The following MFSD6 variants were observed in gnomAD, a reference collection of about 807,000 sequenced individuals.
The protein encoded by MFSD6 is major facilitator superfamily domain containing 6.
MFSD6 carries 26 observed loss-of-function variants against 56.3 expected under a neutral mutation model. The ratio of observed to expected loss-of-function variants is 0.46; its 90% confidence interval spans 0.34 to 0.64. MFSD6 has a LOEUF of 0.64. Among genes scored for constraint, MFSD6 ranks in the 30% least tolerant of loss-of-function variants. The pLI is 0.01. For synonymous variants in MFSD6, 331 were observed against 366.9 expected, an observed-to-expected ratio of 0.90 and a Z score of 1.12; for missense variants, 750 against 986.2, an observed-to-expected ratio of 0.76 and a Z score of 3.21.
chr2:190,475,700 G>A (rs1284141127), intron 4 of MFSD6, among the ~76,000 whole-genome samples: 2 of 152,084 alleles, frequency 1.3e-5, no homozygotes, highest in Non-Finnish European at 2.9e-5. Flanking sequence ...TCACAGAATT[G>A]GAAAAAACTA....
rs953974566 is a variant in MFSD6, at chr2:190,485,209, G to A, written c.1631-3448G>A. Among the ~76,000 whole-genome samples, 1 of 152,104 alleles carries A rather than the reference G, an allele frequency of 6.6e-6. No individual in the cohort carries two copies. The highest frequency in any genetic ancestry group is 2.4e-5 in the African/African-American group (1 of 41,428). Reference sequence around the variant, plus strand: ...GGGGGAAAATAGATACAAACCCTGTGGTTGGAAGAGTTTGTGTGTGTCCAA... The same window carrying A: ...GGGGGAAAATAGATACAAACCCTGTAGTTGGAAGAGTTTGTGTGTGTCCAA... On this transcript the variant is annotated intron_variant, in intron 4 of 7. Transcript: ENST00000392328. This position sits in a 1 kb window ranked among gnomAD's most constrained non-coding sequence, Gnocchi z 5.1.
In MFSD6 at chr2:190,494,035, A is replaced by G. The variant is rs1228610951; in HGVS notation, c.1892-3404A>G. On this transcript the variant is annotated intron_variant, in intron 6 of 7. Coordinates refer to ENST00000392328, the MANE Select transcript of MFSD6 (RefSeq NM_017694.4). This position sits in a 1 kb window ranked among gnomAD's most constrained non-coding sequence, Gnocchi z 5.7. ...GAGAATAACTAAATGAAATTGAAGG[A>G]AAAAAAATACAAAAAATAAATGAAA... Among the ~76,000 whole-genome samples the G allele has an allele frequency of 3.3e-5, 5 of 152,020 alleles. No individual in the cohort carries two copies. Among genetic ancestry groups the G allele is most frequent in the African/African-American group, 7.2e-5 (3 of 41,418 alleles).
chr2:190,489,717 G>A lies in MFSD6; in HGVS notation c.1793-51G>A, dbSNP rs368689766. 14 of 1,512,616 alleles carry A rather than the reference G, an allele frequency of 9.3e-6. No individual in the cohort carries two copies. Among genetic ancestry groups the A allele is most frequent in the Middle Eastern group, 3.4e-4 (2 of 5,882 alleles). 93.7% of individuals were successfully genotyped at this position (1,512,616 alleles called of 1,614,324 possible). A position where few individuals can be genotyped will look rare whatever the true frequency, so the allele number is the denominator to read the frequency against. Reference sequence around the variant, plus strand: ...AGAAAACTGATGGTTTTAGATGAGCGCTATCTGCATTTCTTGGAATTACTC... The same window carrying A: ...AGAAAACTGATGGTTTTAGATGAGCACTATCTGCATTTCTTGGAATTACTC... On this transcript the variant is annotated intron_variant, in intron 5 of 7. Coordinates refer to ENST00000392328, the MANE Select transcript of MFSD6 (RefSeq NM_017694.4). This position sits in a 1 kb window ranked among gnomAD's most constrained non-coding sequence, Gnocchi z 6.6.
chr2:190,411,578 A>G, intron 1 of MFSD6: 1 of 980,064 alleles, frequency 1.0e-6, no homozygotes, highest in Non-Finnish European at 1.2e-6. Flanking sequence ...GTGTTCTCTT[A>G]TTATATAAAC....
Position 190,456,050 on chromosome 2 carries a change from C to T in MFSD6, c.1533-13708C>T, listed in dbSNP as rs1201414510. On this transcript the variant is annotated intron_variant, in intron 3 of 7. Transcript: ENST00000392328. This position sits in a 1 kb window ranked among gnomAD's most constrained non-coding sequence, Gnocchi z 5.4. ...CTGCCTCCTGGGTTCAAGCAGTTCT[C>T]CTGTGTCAGCCTCTCTTGTAGCTGG... 5.7e-5 allele frequency among the ~76,000 whole-genome samples: 8 copies of T among 141,456 alleles called. No homozygotes were observed. The highest frequency in any genetic ancestry group is 4.7e-4 in the Admixed American group (6 of 12,814). The allele number at this position is 141,456 out of a possible 152,430, so 92.8% of individuals were successfully genotyped here. A position where few individuals can be genotyped will look rare whatever the true frequency, so the allele number is the denominator to read the frequency against.
intron 3 of MFSD6, among the ~76,000 whole-genome samples, chr2:190,466,370 G>A (rs775408063): frequency 2.6e-5 from 4 of 152,156 alleles, no homozygotes; most frequent in Admixed American, 1.3e-4. Flanking sequence ...GTAAATATAC[G>A]TGTACTTCTT....
rs1469824014 is a variant in MFSD6, at chr2:190,415,521, C to G, written c.-54+108C>G. The G allele has an allele frequency of 6.6e-6, 1 of 152,178 alleles. No homozygotes were observed. The highest frequency in any genetic ancestry group is 1.5e-5 in the Non-Finnish European group (1 of 68,024). 9.4% of individuals were successfully genotyped at this position (152,178 alleles called of 1,614,324 possible). A position where few individuals can be genotyped will look rare whatever the true frequency, so the allele number is the denominator to read the frequency against. On this transcript the variant is annotated intron_variant, in intron 2 of 7. Coordinates refer to ENST00000392328, the MANE Select transcript of MFSD6 (RefSeq NM_017694.4). This position sits in a 1 kb window ranked among gnomAD's most constrained non-coding sequence, Gnocchi z 4.5. ...CTGGCTTCAAGTGATCCTCCCGCCT[C>G]TGTCTCCCAAAGTGCTGGGATTACG...
In MFSD6 at chr2:190,499,125, G is replaced by A. The variant is rs1689880985; in HGVS notation, c.2173-890G>A. Among the ~76,000 whole-genome samples, 2 of 152,152 alleles carry A rather than the reference G, an allele frequency of 1.3e-5. No homozygotes were observed. Among genetic ancestry groups the A allele is most frequent in the South Asian group, 4.1e-4 (2 of 4,828 alleles). ...GTCACGCCACTGCACTCCGGCCTAGGCGACAGAGTGAGACTCCGTCTCAAA... is the reference window on the plus strand; with the variant it reads ...GTCACGCCACTGCACTCCGGCCTAGACGACAGAGTGAGACTCCGTCTCAAA... On this transcript the variant is annotated intron_variant, in intron 7 of 7. Coordinates refer to ENST00000392328, the MANE Select transcript of MFSD6 (RefSeq NM_017694.4). This position sits in a 1 kb window ranked among gnomAD's most constrained non-coding sequence, Gnocchi z 6.0.
intron 4 of MFSD6, chr2:190,477,225 A>G: frequency 2.0e-6 from 2 of 976,728 alleles, no homozygotes; most frequent in Non-Finnish European, 2.4e-6. Context: ...ACAATGCATT[A>G]AACAGGAACT....
chr2:190,445,520 C>T (rs1219984707), intron 3 of MFSD6, among the ~76,000 whole-genome samples: 1 of 151,014 alleles, frequency 6.6e-6, no homozygotes, highest in African/African-American at 2.4e-5. Context: ...CTGACTCTGC[C>T]AGCCTTTCTC....
At chr2:190,432,296 G>A (rs1686031264) in intron 2 of MFSD6, among the ~76,000 whole-genome samples, 1 of 152,340 alleles carries the variant, frequency 6.6e-6, no homozygotes, top group Non-Finnish European at 1.5e-5. Context: ...AAGTGGGATG[G>A]GGAAAGGGGC....
rs760741377 is a variant in MFSD6 at position 190,436,351 on chromosome 2, GGTATTC to G, written c.325_330del (p.Ile109_Arg110del). 2 of 1,614,214 alleles carry G rather than the reference GGTATTC, an allele frequency of 1.2e-6. No homozygotes were observed. Among genetic ancestry groups the G allele is most frequent in the Non-Finnish European group, 1.7e-6 (2 of 1,180,040 alleles). ...TCCAAGCCAGAGTGGACTACTAGTA[GGTATTC>G]GTTACTTCATTGAATTCTGCAGTGC... On this transcript the variant is annotated inframe_deletion, in exon 3 of 8. Transcript: ENST00000392328. This position sits in a 1 kb window ranked among gnomAD's most constrained non-coding sequence, Gnocchi z 5.3.
Position 190,487,358 on chromosome 2 carries a change from CAT to C in MFSD6, c.1631-1297_1631-1296del, listed in dbSNP as rs1358437354. 6.6e-6 allele frequency among the ~76,000 whole-genome samples: 1 copy of C among 151,970 alleles called. No homozygotes were observed. The highest frequency in any genetic ancestry group is 1.5e-5 in the Non-Finnish European group (1 of 67,964). On this transcript the variant is annotated intron_variant, in intron 4 of 7. Coordinates refer to ENST00000392328, the MANE Select transcript of MFSD6 (RefSeq NM_017694.4). The surrounding 1 kb of genome is among the most constrained non-coding windows in gnomAD (Gnocchi z 5.5). ...CCATCTCAAACAAAACAAAACAAAA[CAT>C]AAAAATTGTTATATCCTTTGAATCA... is the stretch of plus-strand genomic sequence containing the variant.
At position 190,457,307 on chromosome 2, in the gene MFSD6, C is replaced by T. The variant is rs1270369397; in HGVS notation, c.1533-12451C>T. Among the ~76,000 whole-genome samples, 1 of 152,160 alleles carries T rather than the reference C, an allele frequency of 6.6e-6. No homozygotes were observed. Among genetic ancestry groups the T allele is most frequent in the East Asian group, 1.9e-4 (1 of 5,202 alleles). On this transcript the variant is annotated intron_variant, in intron 3 of 7. Coordinates refer to ENST00000392328, the MANE Select transcript of MFSD6 (RefSeq NM_017694.4). The surrounding 1 kb of genome is among the most constrained non-coding windows in gnomAD (Gnocchi z 5.1). Reference sequence around the variant, plus strand: ...CTCTGTGAAAAGAGCGAGCTGGATGCTATGGCTCCTTTCAGTTCTGACTCT... The same window carrying T: ...CTCTGTGAAAAGAGCGAGCTGGATGTTATGGCTCCTTTCAGTTCTGACTCT...
chr2:190,481,300 A>G (rs112664567), intron 4 of MFSD6, among the ~76,000 whole-genome samples: 1 of 152,196 alleles, frequency 6.6e-6, no homozygotes, highest in Non-Finnish European at 1.5e-5. Flanking sequence ...AGCAACTCAT[A>G]TATTTTTTTA....
intron 2 of MFSD6, among the ~76,000 whole-genome samples, chr2:190,422,409 G>A (rs536980260): frequency 9.9e-5 from 15 of 152,076 alleles, no homozygotes; most frequent in African/African-American, 3.1e-4. Flanking sequence ...TCTGTCTTTC[G>A]CTTGATTTAT....
rs145669344 is a variant in MFSD6, at chr2:190,418,308, T to C, written c.-54+2895T>C. 9.8e-5 allele frequency among the ~76,000 whole-genome samples: 15 copies of C among 152,310 alleles called. No homozygotes were observed. In the East Asian group the frequency reaches 2.7e-3, roughly 27 times the overall value. Reference sequence around the variant, plus strand: ...CATAGCAAGTGTTACTTAAGTGTTATTGTATTGTAGTTGGTAATAATATGA... The same window carrying C: ...CATAGCAAGTGTTACTTAAGTGTTACTGTATTGTAGTTGGTAATAATATGA... On this transcript the variant is annotated intron_variant, in intron 2 of 7. Coordinates refer to ENST00000392328, the MANE Select transcript of MFSD6 (RefSeq NM_017694.4). The surrounding 1 kb of genome is among the most constrained non-coding windows in gnomAD (Gnocchi z 4.1).
rs1340812489 is a variant in MFSD6, at chr2:190,408,471, C to T, written c.-208C>T. ...CTCCGGGGACAGGGCTCCCCGCGCCCCGCGCAGCTGAGCGCTGCCGCCGCC... is the reference window on the plus strand; with the variant it reads ...CTCCGGGGACAGGGCTCCCCGCGCCTCGCGCAGCTGAGCGCTGCCGCCGCC... On this transcript the variant is annotated 5_prime_UTR_variant, in exon 1 of 8. Transcript: ENST00000392328. The T allele has an allele frequency of 6.6e-6, 1 of 151,638 alleles. No individual in the cohort carries two copies. The highest frequency in any genetic ancestry group is 1.5e-5 in the Non-Finnish European group (1 of 67,858). The allele number at this position is 151,638 out of a possible 1,614,324, so 9.4% of individuals were successfully genotyped here.
rs199702082 is a variant in MFSD6, at chr2:190,469,793, G to A, written c.1568G>A (p.Arg523His). 14 of 1,600,448 alleles carry A rather than the reference G, an allele frequency of 8.7e-6. No homozygotes were observed. The highest frequency in any genetic ancestry group is 1.2e-5 in the Non-Finnish European group (14 of 1,175,388). ...ATTGGCCTGGCCTGCAATACGGCTCGCTATATTTATATTTCCTACCTGGAG... is the reference window on the plus strand; with the variant it reads ...ATTGGCCTGGCCTGCAATACGGCTCACTATATTTATATTTCCTACCTGGAG... ...LYIGLACNTARYIYISYLENA... is the reference protein window; with the variant it reads ...LYIGLACNTAHYIYISYLENA... The change falls in exon 4 of 8, where the codon CGC becomes CAC. Residue 523 changes from arginine to histidine, a missense_variant. Around this residue, in one of 5 missense-constraint regions of MFSD6, gnomAD observed 125 missense variants for 223.1 expected, o/e 0.56. Coordinates refer to ENST00000392328, the MANE Select transcript of MFSD6 (RefSeq NM_017694.4). The surrounding 1 kb of genome is among the most constrained non-coding windows in gnomAD (Gnocchi z 5.3).
Sources: gnomAD v4.1 joint callset for allele counts (sites outside exome capture counted in the v4.1 genomes callset) on GRCh38, gnomAD v4.1.1 for gene constraint, gnomAD v4.1.1 regional missense constraint, Gnocchi (gnomAD v3.1) non-coding constraint, MANE v1.5 for transcripts, NCBI Gene and HGNC (gene_info 2026-07-23, HGNC 2026-07-21) for gene names.